The following KCTD2 variants were observed in gnomAD, a reference collection of about 807,000 sequenced individuals.
KCTD2 encodes BTB/POZ domain-containing protein KCTD2.
Under a neutral mutation model 27.9 loss-of-function variants are expected in KCTD2, and 18 were observed. The ratio of observed to expected loss-of-function variants is 0.64; its 90% confidence interval spans 0.45 to 0.96. KCTD2 has a LOEUF of 0.96. Among genes scored for constraint, KCTD2 ranks in the 40% least tolerant of loss-of-function variants. The pLI, the probability that KCTD2 is intolerant of heterozygous loss-of-function variation, is 0.00. For missense variants in KCTD2, 280 were observed against 348.0 expected, an observed-to-expected ratio of 0.80 and a Z score of 1.56; for synonymous variants, 175 against 148.4, an observed-to-expected ratio of 1.18 and a Z score of -1.30.
intron 3 of KCTD2, chr17:75,039,342 G>T: frequency 7.1e-7 from 1 of 1,400,136 alleles, no homozygotes; most frequent in Non-Finnish European, 1.0e-6. Flanking sequence ...TAAGGTAGGA[G>T]TCGTCCCAGC....
chr17:75,035,746 T>C (rs2040109406), intron 3 of KCTD2, among the ~76,000 whole-genome samples: 1 of 152,090 alleles, frequency 6.6e-6, no homozygotes, highest in African/African-American at 2.4e-5. Flanking sequence ...AGCAGGAGAA[T>C]CGCTTGAATC....
intron 3 of KCTD2, among the ~76,000 whole-genome samples, chr17:75,057,652 G>C (rs181498259): frequency 6.7e-6 from 1 of 150,028 alleles, no homozygotes; most frequent in African/African-American, 2.5e-5. Context: ...TTCTGCCTCC[G>C]GGGTTCAAGC....
intron 2 of KCTD2, among the ~76,000 whole-genome samples, chr17:75,052,655 G>A (rs745578066): frequency 2.6e-5 from 4 of 152,188 alleles, no homozygotes; most frequent in Non-Finnish European, 1.5e-5. Flanking sequence ...CCCAGCAGGC[G>A]GAGTTTGCAG....
intron 1 of KCTD2, 63 bp downstream of exon 1, chr17:75,047,652 C>A: frequency 1.3e-6 from 2 of 1,515,612 alleles, no homozygotes; most frequent in African/African-American, 1.4e-5. Context: ...GTAGATCGGT[C>A]CCCAGAGTCC....
intron 3 of KCTD2, among the ~76,000 whole-genome samples, chr17:75,053,857 G>GT (rs1567992373): frequency 2.5e-5 from 2 of 79,532 alleles, no homozygotes; most frequent in African/African-American, 1.6e-4. Context: ...TGTGAACCAT[G>GT]CTTTTTTTTT....
At chr17:75,051,683 A>G (rs2073289553) in intron 2 of KCTD2, among the ~76,000 whole-genome samples, 1 of 150,054 alleles carries the variant, frequency 6.7e-6, no homozygotes, top group African/African-American at 2.5e-5. Flanking sequence ...TTTCTGAACT[A>G]TTTGAGAATA....
upstream of KCTD2, among the ~76,000 whole-genome samples, chr17:75,045,374 T>A (rs188587459): frequency 6.6e-6 from 1 of 152,332 alleles, no homozygotes; most frequent in East Asian, 1.9e-4. Flanking sequence ...GACAGGGTTT[T>A]CAGATCAACC....
intron 3 of KCTD2, chr17:75,038,803 A>G (rs921566439): frequency 9.0e-7 from 1 of 1,107,750 alleles, no homozygotes; most frequent in Admixed American, 2.8e-5. Flanking sequence ...GCTGCCAGTG[A>G]GGCCAGCTCA....
Position 75,063,163 on chromosome 17 carries a change from C to A in KCTD2, c.*116C>A, listed in dbSNP as rs1309425663. The stretch of plus-strand genomic sequence containing the variant: ...CACTGCAAAGCACAGCTGATCCTGG[C>A]CCCCTGTGAAGAAGTGTTCTGGTCA... On this transcript the variant is annotated 3_prime_UTR_variant, in exon 6 of 6. Transcript: ENST00000322444. 4 of 994,450 alleles carry A rather than the reference C, an allele frequency of 4.0e-6. No homozygotes were observed. Among genetic ancestry groups the A allele is most frequent in the Admixed American group, 3.8e-5 (2 of 53,026 alleles). The allele number at this position is 994,450 out of a possible 1,614,324, so 61.6% of individuals were successfully genotyped here. A position where few individuals can be genotyped will look rare whatever the true frequency, so the allele number is the denominator to read the frequency against.
intron 3 of KCTD2, among the ~76,000 whole-genome samples, chr17:75,038,594 AC>A (rs773214034): frequency 7.9e-5 from 12 of 152,224 alleles, no homozygotes; most frequent in Non-Finnish European, 1.5e-5. Flanking sequence ...GGGGTTTGAA[AC>A]CAAAGAGGAA....
In KCTD2 at chr17:75,059,525, G is replaced by A; in HGVS notation, c.556G>A (p.Val186Met). The change falls in exon 4 of 6, where the codon GTG (valine) becomes ATG (methionine). Residue 186 changes from valine (V) to methionine (M), a missense_variant. Transcript: ENST00000322444. ...GTCATTGCAGGGCCCCGTGAAGCAC[G>A]TGTACAGAGTCCTGCAGTGTCAGGA... ...NRTSQGPVKHVYRVLQCQEEE... is the reference protein window; with the variant it reads ...NRTSQGPVKHMYRVLQCQEEE... 1 of 1,613,590 alleles carries A rather than the reference G, an allele frequency of 6.2e-7. No individual in the cohort carries two copies. Among genetic ancestry groups the A allele is most frequent in the South Asian group, 1.1e-5 (1 of 91,034 alleles).
chr17:75,039,642 T>C (rs1179136843), intron 3 of KCTD2: 1 of 285,992 alleles, frequency 3.5e-6, no homozygotes, highest in Non-Finnish European at 6.6e-6. Context: ...CCTTCAGTGC[T>C]TTCAAGCAAA....
At chr17:75,062,294 C>T (rs751332842) in intron 5 of KCTD2, 49 bp downstream of exon 5, 6 of 1,571,540 alleles carry the variant, frequency 3.8e-6, no homozygotes, top group South Asian at 1.2e-5. Context: ...CTTGTTCGCA[C>T]CCCCTCCGTG....
rs114171186 is a variant in KCTD2 at position 75,033,313 on chromosome 17, A to T, written c.-470+589A>T. Among the ~76,000 whole-genome samples the T allele has an allele frequency of 3.9e-3, 597 of 152,020 alleles. 2 individuals are homozygous for T. Among genetic ancestry groups the T allele is most frequent in the African/African-American group, 0.013 (555 of 41,430 alleles). ...ATAATGGATTTTAAATGTGTGTAACATTTTAAAATGTGCTTATTCTTTGTT... is the reference window on the plus strand; with the variant it reads ...ATAATGGATTTTAAATGTGTGTAACTTTTTAAAATGTGCTTATTCTTTGTT... On this transcript the variant is annotated intron_variant, in intron 1 of 7. Transcript: ENST00000581589.
intron 1 of KCTD2, among the ~76,000 whole-genome samples, chr17:75,047,808 C>T (rs372458611): frequency 4.6e-4 from 70 of 152,260 alleles, no homozygotes; most frequent in African/African-American, 1.7e-3. Flanking sequence ...CCGACCCCGC[C>T]CTTCGTTCTC....
Position 75,047,357 on chromosome 17 carries a change from C to G in KCTD2, c.107C>G (p.Pro36Arg), listed in dbSNP as rs929288679. The G allele has an allele frequency of 3.5e-6, 4 of 1,137,614 alleles. No individual in the cohort carries two copies. The highest frequency in any genetic ancestry group is 3.2e-6 in the Non-Finnish European group (3 of 928,402). 70.5% of individuals were successfully genotyped at this position (1,137,614 alleles called of 1,614,324 possible). Residue 36 changes from proline to arginine, a missense_variant, in exon 1 of 6, where the codon CCG (proline) becomes CGG (arginine). Physicochemically the swap from Pro to Arg is moderately radical, Grantham distance 103. Coordinates refer to ENST00000322444, the MANE Select transcript of KCTD2 (RefSeq NM_015353.3). ...GPVRGPPSPR[P>R]AGPTPRGHGR... ...GTCCGCGGGCCCCCCAGCCCACGCC[C>G]GGCTGGCCCCACGCCCCGCGGGCAC... is the stretch of plus-strand genomic sequence containing the variant.
intron 3 of KCTD2, among the ~76,000 whole-genome samples, chr17:75,058,692 G>A (rs538594541): frequency 2.6e-5 from 4 of 152,178 alleles, no homozygotes; most frequent in Non-Finnish European, 2.9e-5. Flanking sequence ...CCAGCTATTC[G>A]GGAGGCTGAG....
intron 3 of KCTD2, among the ~76,000 whole-genome samples, chr17:75,037,015 T>G (rs2073109025): frequency 6.6e-6 from 1 of 152,054 alleles, no homozygotes; most frequent in South Asian, 2.1e-4. Context: ...TTCTCGAGGG[T>G]TGTCAGGCAT....
Position 75,064,785 on chromosome 17 carries a change from A to T in KCTD2, c.*1738A>T, listed in dbSNP as rs2073440623. The T allele has an allele frequency of 6.6e-6, 1 of 152,192 alleles. No homozygotes were observed. Among genetic ancestry groups the T allele is most frequent in the African/African-American group, 2.4e-5 (1 of 41,438 alleles). The allele number at this position is 152,192 out of a possible 1,614,324, so 9.4% of individuals were successfully genotyped here. A position where few individuals can be genotyped will look rare whatever the true frequency, so the allele number is the denominator to read the frequency against. On this transcript the variant is annotated 3_prime_UTR_variant, in exon 6 of 6. Transcript: ENST00000322444. Reference sequence around the variant, plus strand: ...ATCCAGTCGTATCTTTCAGAGAAAAAAAAAGTTAGATGTAGCCAAGGAAAG... The same window carrying T: ...ATCCAGTCGTATCTTTCAGAGAAAATAAAAGTTAGATGTAGCCAAGGAAAG...
Sources: allele counts gnomAD v4.1 joint callset (sites outside exome capture counted in the v4.1 genomes callset), GRCh38; gene constraint gnomAD v4.1.1; transcripts MANE v1.5; gene names NCBI Gene and HGNC (gene_info 2026-07-23, HGNC 2026-07-21).